Variants in RBFOX1 observed in about 807,000 individuals in gnomAD.
RBFOX1 encodes the protein RNA binding protein fox-1 homolog 1.
A neutral mutation model predicts 57.7 loss-of-function variants in RBFOX1; 8 were observed. That is an observed-to-expected ratio of 0.14 (90% confidence interval 0.08 to 0.25). RBFOX1 has a LOEUF of 0.25. RBFOX1 is among the 10% of genes least tolerant of loss of function. RBFOX1 has a pLI of 1.00. For missense variants in RBFOX1, 611 were observed against 548.5 expected (o/e 1.11, Z -1.14); for synonymous variants, 326 against 222.4 (o/e 1.47, Z -4.15).
intron 4 of RBFOX1, among the ~76,000 whole-genome samples, chr16:7,255,304 G>A (rs562744754): frequency 4.6e-5 from 7 of 152,296 alleles, no homozygotes; most frequent in Admixed American, 4.6e-4. Context: ...TCACACTGCT[G>A]TGGAAACTTT....
intron 1 of RBFOX1, among the ~76,000 whole-genome samples, chr16:6,098,455 G>T (rs2096269840): frequency 6.6e-6 from 1 of 152,214 alleles, no homozygotes; most frequent in South Asian, 2.1e-4. Flanking sequence ...TTTAACCCCA[G>T]CCTCGGGAGG....
At chr16:6,155,759 C>G (rs966504608) in intron 1 of RBFOX1, among the ~76,000 whole-genome samples, 2 of 152,176 alleles carry the variant, frequency 1.3e-5, no homozygotes. Flanking sequence ...ACAGCGGCGG[C>G]TTCCATGTGG....
intron 4 of RBFOX1, among the ~76,000 whole-genome samples, chr16:7,079,086 G>A (rs140714928): frequency 7.2e-5 from 11 of 151,870 alleles, no homozygotes; most frequent in South Asian, 2.1e-4. Context: ...CTTTATTTAC[G>A]TGTATCTATC....
chr16:5,722,542 C>T (rs1051342377), intron 3 of RBFOX1, among the ~76,000 whole-genome samples: 2 of 152,140 alleles, frequency 1.3e-5, no homozygotes, highest in Non-Finnish European at 2.9e-5. Flanking sequence ...TCAAAGACAC[C>T]TGAGACCTGT....
chr16:5,256,323 C>T (rs1197041614), intron 1 of RBFOX1, among the ~76,000 whole-genome samples: 1 of 152,134 alleles, frequency 6.6e-6, no homozygotes, highest in Non-Finnish European at 1.5e-5. Flanking sequence ...GTCCTTCTGT[C>T]TCCTCTGGCT....
chr16:6,015,214 T>G (rs1044784438), upstream of RBFOX1, among the ~76,000 whole-genome samples: 1 of 152,116 alleles, frequency 6.6e-6, no homozygotes, highest in Non-Finnish European at 1.5e-5. Context: ...TTTCATCCTT[T>G]TCCTATTCTG....
chr16:6,384,814 C>A (rs2092128207), intron 2 of RBFOX1, among the ~76,000 whole-genome samples: 1 of 152,206 alleles, frequency 6.6e-6, no homozygotes, highest in African/African-American at 2.4e-5. Context: ...TTCCTAGTCA[C>A]ATCATGGAGC....
chr16:6,513,986 C>G lies in RBFOX1; in HGVS notation c.-63-140617C>G, dbSNP rs553771749. 3.3e-5 allele frequency among the ~76,000 whole-genome samples: 5 copies of G among 152,262 alleles called. No individual in the cohort carries two copies. In the East Asian group the frequency reaches 9.7e-4, roughly 29 times the overall value. On this transcript the variant is annotated intron_variant, in intron 2 of 15. Coordinates refer to ENST00000550418, the MANE Select transcript of RBFOX1 (RefSeq NM_018723.4). ...AAGATGGAGGAGGCTCAACACATGT[C>G]CACTGTGCTTTGCAAATGGCGCATG...
chr16:6,559,955 C>G (rs141934098), intron 2 of RBFOX1, among the ~76,000 whole-genome samples: 17 of 152,212 alleles, frequency 1.1e-4, no homozygotes, highest in African/African-American at 4.1e-4. Flanking sequence ...CTGATGTTTT[C>G]CAACCCACAT....
chr16:7,189,301 C>A (rs530781288), intron 4 of RBFOX1, among the ~76,000 whole-genome samples: 1 of 151,490 alleles, frequency 6.6e-6, no homozygotes, highest in Admixed American at 6.6e-5. Flanking sequence ...TGGCGGGCGC[C>A]TGAAGTCACA....
At chr16:5,950,463 T>G (rs2059497037) in intron 4 of RBFOX1, among the ~76,000 whole-genome samples, 1 of 152,240 alleles carries the variant, frequency 6.6e-6, no homozygotes, top group African/African-American at 2.4e-5. Context: ...TCATTCTTTC[T>G]ATTTTCATTA....
At chr16:5,863,584 G>C (rs1316374684) in intron 3 of RBFOX1, among the ~76,000 whole-genome samples, 2 of 152,226 alleles carry the variant, frequency 1.3e-5, no homozygotes, top group Non-Finnish European at 2.9e-5. Flanking sequence ...ACCTGCCTTA[G>C]AAGGGAGTCT....
chr16:5,703,432 C>G (rs1010805782), intron 3 of RBFOX1, among the ~76,000 whole-genome samples: 9 of 152,298 alleles, frequency 5.9e-5, no homozygotes, highest in African/African-American at 2.2e-4. Context: ...GGTAGGAGAA[C>G]TGGAGCCCAG....
At chr16:5,434,917 T>A (rs1314800900) in intron 1 of RBFOX1, among the ~76,000 whole-genome samples, 1 of 145,770 alleles carries the variant, frequency 6.9e-6, no homozygotes, top group African/African-American at 2.8e-5. Context: ...AAAAAAAAAA[T>A]TTAAGGCTGT....
intron 4 of RBFOX1, among the ~76,000 whole-genome samples, chr16:7,227,738 C>T (rs1375873734): frequency 1.3e-5 from 2 of 152,186 alleles, no homozygotes; most frequent in East Asian, 3.9e-4. Context: ...CTGCACGCAG[C>T]ACCTGGCCTA....
chr16:7,231,022 C>T (rs575373331), intron 4 of RBFOX1, among the ~76,000 whole-genome samples: 4 of 152,214 alleles, frequency 2.6e-5, no homozygotes, highest in African/African-American at 4.8e-5. Context: ...TGAACAAGCA[C>T]CTCTAGCCCC....
At chr16:7,508,070 T>A (rs969975076) in intron 4 of RBFOX1, among the ~76,000 whole-genome samples, 19 of 151,992 alleles carry the variant, frequency 1.3e-4, no homozygotes, top group African/African-American at 4.6e-4. Context: ...CACTGCACAC[T>A]CCACCTCCCG....
At chr16:5,860,997 G>T (rs750585117) in intron 3 of RBFOX1, among the ~76,000 whole-genome samples, 1 of 152,222 alleles carries the variant, frequency 6.6e-6, no homozygotes, top group African/African-American at 2.4e-5. Flanking sequence ...GAAGGCTAAA[G>T]GGATACCAAA....
chr16:7,132,606 G>GA (rs564705391), intron 4 of RBFOX1, among the ~76,000 whole-genome samples: 1,456 of 138,796 alleles, frequency 0.01, 19 homozygotes, highest in African/African-American at 0.03. Flanking sequence ...TTGTAAAGCT[G>GA]AAAAAAAAAA....
Sources: allele counts gnomAD v4.1 joint callset (sites outside exome capture counted in the v4.1 genomes callset), GRCh38; gene constraint gnomAD v4.1.1; transcripts MANE v1.5; gene names NCBI Gene and HGNC (gene_info 2026-07-23, HGNC 2026-07-21).